The following TLL2 variants were observed in gnomAD, a reference collection of about 807,000 sequenced individuals.
TLL2 encodes the protein tolloid like 2.
TLL2 carries 106 observed loss-of-function variants against 123.0 expected under a neutral mutation model. The observed-to-expected ratio is 0.86, with a 90% CI of 0.74 to 1.01. The LOEUF (loss-of-function observed/expected upper bound fraction) is 1.01, where lower values mean the gene tolerates loss of function less well. TLL2 is among the 50% of genes least tolerant of loss of function. The pLI, the probability that TLL2 is intolerant of heterozygous loss-of-function variation, is 0.00. For synonymous variants in TLL2, 494 were observed against 516.8 expected (o/e 0.96, Z 0.60); for missense variants, 1,332 against 1,336.7 (o/e 1.00, Z 0.06).
At position 96,365,760 on chromosome 10, in the gene TLL2, G is replaced by A. The variant is rs1172746700; in HGVS notation, c.*2328C>T. On this transcript the variant is annotated 3_prime_UTR_variant, in exon 21 of 21. Transcript: ENST00000357947. ...CACAAGTGTGGGCTTCCAGAGGAGC[G>A]GCCCAGCTAGCCCCAGCTGAATCAG... The A allele has an allele frequency of 2.0e-5, 3 of 152,186 alleles. No individual in the cohort carries two copies. Among genetic ancestry groups the A allele is most frequent in the Non-Finnish European group, 4.4e-5 (3 of 68,048 alleles). 9.4% of individuals were successfully genotyped at this position (152,186 alleles called of 1,614,324 possible).
chr10:96,404,571 A>T (rs1846430680), intron 10 of TLL2, among the ~76,000 whole-genome samples: 1 of 152,134 alleles, frequency 6.6e-6, no homozygotes, highest in African/African-American at 2.4e-5. Flanking sequence ...ACATGTTTTA[A>T]GTCATTTTGG....
At chr10:96,486,316 T>G (rs988763178) in intron 1 of TLL2, among the ~76,000 whole-genome samples, 3 of 152,224 alleles carry the variant, frequency 2.0e-5, no homozygotes, top group African/African-American at 7.2e-5. Context: ...CTGGGTTTTA[T>G]CCATATAGTT....
intron 1 of TLL2, among the ~76,000 whole-genome samples, chr10:96,498,777 G>A (rs568322955): frequency 8.5e-5 from 13 of 152,108 alleles, no homozygotes; most frequent in African/African-American, 3.1e-4. Context: ...GATGATTTGA[G>A]CTCTGCATAC....
At chr10:96,404,973 C>T (rs1056614986) in intron 10 of TLL2, among the ~76,000 whole-genome samples, 2 of 152,130 alleles carry the variant, frequency 1.3e-5, no homozygotes, top group African/African-American at 2.4e-5. Flanking sequence ...AGTGAACATC[C>T]CTGTAGCTAG....
At chr10:96,375,758 C>T (rs1349455501) in intron 18 of TLL2, among the ~76,000 whole-genome samples, 2 of 152,188 alleles carry the variant, frequency 1.3e-5, no homozygotes, top group Non-Finnish European at 2.9e-5. Flanking sequence ...ACCTGCAAGT[C>T]CCTGCGCCAT....
rs759063155 is a variant in TLL2, at chr10:96,373,698, T to C, written c.2560A>G (p.Lys854Glu). Reference protein sequence around the residue: ...APILGRFCGSKKPDPTVASGS... With the variant: ...APILGRFCGSEKPDPTVASGS... ...GAAGCCACCGTGGGGTCTGGTTTCT[T>C]GCTGCCGCAGAAACGGCCCAGAATG... The change falls in exon 19 of 21, where the codon AAG (lysine) becomes GAG (glutamate). Residue 854 changes from lysine (K) to glutamate (E), a missense_variant. Coordinates refer to ENST00000357947, the MANE Select transcript of TLL2 (RefSeq NM_012465.4). 1.9e-6 allele frequency: 3 copies of C among 1,614,252 alleles called. No individual in the cohort carries two copies. Among genetic ancestry groups the C allele is most frequent in the Non-Finnish European group, 2.5e-6 (3 of 1,180,044 alleles).
intron 1 of TLL2, among the ~76,000 whole-genome samples, chr10:96,495,221 C>G (rs1197688225): frequency 6.6e-6 from 1 of 152,132 alleles, no homozygotes; most frequent in Non-Finnish European, 1.5e-5. Flanking sequence ...GAATTCCTCT[C>G]AGGAAACAGG....
chr10:96,512,116 A>G (rs1266484884), intron 1 of TLL2, among the ~76,000 whole-genome samples: 2 of 152,092 alleles, frequency 1.3e-5, no homozygotes, highest in Admixed American at 6.5e-5. Flanking sequence ...ATTCTGCAGG[A>G]AACTTCCCTT....
chr10:96,396,184 C>T (rs529040166), intron 11 of TLL2, among the ~76,000 whole-genome samples, 164 bp from the exon 12 acceptor site: 14 of 152,246 alleles, frequency 9.2e-5, no homozygotes, highest in African/African-American at 3.1e-4. Flanking sequence ...CAGAAAGGCA[C>T]GATTGCATTT....
chr10:96,473,503 T>C (rs923818888), intron 2 of TLL2, among the ~76,000 whole-genome samples: 2 of 152,124 alleles, frequency 1.3e-5, no homozygotes, highest in African/African-American at 4.8e-5. Flanking sequence ...AGAGGGGACA[T>C]GTCTCAGAGT....
chr10:96,472,229 G>T (rs1847191067), intron 2 of TLL2, among the ~76,000 whole-genome samples: 1 of 152,140 alleles, frequency 6.6e-6, no homozygotes, highest in Non-Finnish European at 1.5e-5. Context: ...CAATGAACTG[G>T]CCCAGCAAGA....
chr10:96,504,789 G>A (rs1246258880), intron 1 of TLL2, among the ~76,000 whole-genome samples: 1 of 152,328 alleles, frequency 6.6e-6, no homozygotes, highest in South Asian at 2.1e-4. Context: ...AGCAGATCAC[G>A]AGGTCAGGAG....
rs1169739236 is a variant in TLL2, at chr10:96,365,960, GCAC to G, written c.*2125_*2127del. 6.6e-6 allele frequency: 1 copy of G among 152,212 alleles called. No homozygotes were observed. Among genetic ancestry groups the G allele is most frequent in the Non-Finnish European group, 1.5e-5 (1 of 68,048 alleles). 9.4% of individuals were successfully genotyped at this position (152,212 alleles called of 1,614,324 possible). A position where few individuals can be genotyped will look rare whatever the true frequency, so the allele number is the denominator to read the frequency against. On this transcript the variant is annotated 3_prime_UTR_variant, in exon 21 of 21. Coordinates refer to ENST00000357947, the MANE Select transcript of TLL2 (RefSeq NM_012465.4). ...CATTGTTTCACCGTCCTGCTGAGCA[GCAC>G]CAACTCTGTTTCTGACTCCCTCCCA...
At position 96,395,720 on chromosome 10, in the gene TLL2, TTGA is replaced by T. The variant is rs1470896633; in HGVS notation, c.1530+152_1530+154del. 2.6e-5 allele frequency among the ~76,000 whole-genome samples: 4 copies of T among 152,216 alleles called. No homozygotes were observed. In the East Asian group the frequency reaches 7.7e-4, roughly 29 times the overall value. On this transcript the variant is annotated intron_variant, in intron 12 of 20. Coordinates refer to ENST00000357947, the MANE Select transcript of TLL2 (RefSeq NM_012465.4). The stretch of plus-strand genomic sequence containing the variant: ...CCCCATTTCAAAGCCTGCATAGATG[TTGA>T]TGTCAGATGTCCGGGCACAATTCAC...
At position 96,395,327 on chromosome 10, in the gene TLL2, G is replaced by C. The variant is rs372077123; in HGVS notation, c.1586C>G (p.Thr529Arg). 6.2e-7 allele frequency: 1 copy of C among 1,612,946 alleles called. No homozygotes were observed. Among genetic ancestry groups the C allele is most frequent in the Non-Finnish European group, 8.5e-7 (1 of 1,179,708 alleles). Residue 529 changes from threonine to arginine, a missense_variant, in exon 13 of 21, where the codon ACG becomes AGG. Thr to Arg is a moderately conservative substitution (Grantham distance 71). Coordinates refer to ENST00000357947, the MANE Select transcript of TLL2 (RefSeq NM_012465.4). Reference protein sequence around the residue: ...YDYLEVRDGPTEESALIGHFC... With the variant: ...YDYLEVRDGPREESALIGHFC... ...GTGGCCGATCAGGGCACTCTCTTCC[G>C]TGGGGCCATCCCGGACTTCCAGGTA...
intron 8 of TLL2, 122 bp downstream of exon 8, chr10:96,413,070 C>T (rs1372312094): frequency 1.4e-6 from 2 of 1,394,576 alleles, no homozygotes; most frequent in Non-Finnish European, 1.9e-6. Context: ...ACCAGAAGGA[C>T]ACCAGAAATT....
intron 2 of TLL2, among the ~76,000 whole-genome samples, chr10:96,468,842 G>A (rs940565447): frequency 6.6e-6 from 1 of 152,210 alleles, no homozygotes; most frequent in African/African-American, 2.4e-5. Context: ...ACTTAAAGGT[G>A]AATTTGCTTT....
intron 8 of TLL2, among the ~76,000 whole-genome samples, chr10:96,411,772 G>A (rs1589415864): frequency 6.6e-6 from 1 of 152,146 alleles, no homozygotes; most frequent in Non-Finnish European, 1.5e-5. Context: ...GTTACTGCTC[G>A]GAACTACTGG....
Position 96,370,097 on chromosome 10 carries a change from C to T in TLL2, c.2881G>A (p.Ala961Thr), listed in dbSNP as rs2134049326. The change falls in exon 20 of 21, where the codon GCG becomes ACG. Residue 961 changes from alanine (A) to threonine (T), a missense_variant. By Grantham distance (58) the Ala-to-Thr change is moderately conservative. Coordinates refer to ENST00000357947, the MANE Select transcript of TLL2 (RefSeq NM_012465.4). ...MEAYDGYDSS[A>T]PRLGRFCGSG... ...CCACAGAAGCGGCCGAGCCTGGGCG[C>T]TGAGCTGTCGTAGCCGTCGTAGGCT... 1 of 1,609,538 alleles carries T rather than the reference C, an allele frequency of 6.2e-7. No homozygotes were observed.
Sources: allele counts gnomAD v4.1 joint callset (sites outside exome capture counted in the v4.1 genomes callset), GRCh38; gene constraint gnomAD v4.1.1; transcripts MANE v1.5; gene names NCBI Gene and HGNC (gene_info 2026-07-23, HGNC 2026-07-21).